The following ZNF804A variants were observed in gnomAD, a reference collection of about 807,000 sequenced individuals.
ZNF804A encodes zinc finger protein 804A.
Under a neutral mutation model 16.5 loss-of-function variants are expected in ZNF804A, and 2 were observed. The observed-to-expected ratio is 0.12, with a 90% CI of 0.05 to 0.38. ZNF804A has a LOEUF of 0.38. Ranked by LOEUF, ZNF804A falls within the 10% of genes least tolerant of loss-of-function variation. ZNF804A has a pLI of 0.99. For missense variants in ZNF804A, 1,473 were observed against 1,390.7 expected (o/e 1.06, Z -0.94); for synonymous variants, 534 against 489.6 (o/e 1.09, Z -1.20).
At chr2:184,770,627 T>A (rs1225091879) in intron 1 of ZNF804A, among the ~76,000 whole-genome samples, 2 of 147,330 alleles carry the variant, frequency 1.4e-5, no homozygotes, top group Admixed American at 1.3e-4. Context: ...AAAAAGAAAA[T>A]GTTGGTCTTA....
intron 1 of ZNF804A, among the ~76,000 whole-genome samples, chr2:184,611,575 C>T (rs559890888): frequency 3.4e-4 from 51 of 152,198 alleles, no homozygotes; most frequent in Non-Finnish European, 5.7e-4. Context: ...TTTTAATTCT[C>T]TTCAATAATA....
At chr2:184,711,661 T>A (rs1027067139) in intron 1 of ZNF804A, among the ~76,000 whole-genome samples, 2 of 151,774 alleles carry the variant, frequency 1.3e-5, no homozygotes, top group Non-Finnish European at 3.0e-5. Flanking sequence ...TTGTGTATGG[T>A]GTAAGAGAAG....
At chr2:184,741,383 G>T (rs1474745675) in intron 1 of ZNF804A, among the ~76,000 whole-genome samples, 2 of 152,148 alleles carry the variant, frequency 1.3e-5, no homozygotes, top group African/African-American at 4.8e-5. Context: ...ACCAGTCAGG[G>T]TAGCTGACTT....
chr2:184,748,947 G>A (rs1280344667), intron 1 of ZNF804A, among the ~76,000 whole-genome samples: 2 of 151,272 alleles, frequency 1.3e-5, no homozygotes, highest in Non-Finnish European at 3.0e-5. Flanking sequence ...TGGTCTGTGT[G>A]TCTGTTTTTG....
intron 1 of ZNF804A, among the ~76,000 whole-genome samples, chr2:184,681,013 C>T (rs372854682): frequency 2.0e-5 from 3 of 152,238 alleles, no homozygotes; most frequent in African/African-American, 7.2e-5. Context: ...TGGAGCTGAC[C>T]ATCCCACCAC....
intron 1 of ZNF804A, among the ~76,000 whole-genome samples, chr2:184,716,288 A>G (rs1693212191): frequency 2.0e-5 from 3 of 152,118 alleles, no homozygotes; most frequent in East Asian, 1.9e-4. Flanking sequence ...GTACTTTCAC[A>G]TTTTTGTAAT....
chr2:184,604,813 C>T (rs1691115664), intron 1 of ZNF804A, among the ~76,000 whole-genome samples: 1 of 152,034 alleles, frequency 6.6e-6, no homozygotes, highest in African/African-American at 2.4e-5. Flanking sequence ...TTCTGTAGTA[C>T]CTGTTTGCCA....
At chr2:184,835,179 C>T (rs145800569) in intron 1 of ZNF804A, among the ~76,000 whole-genome samples, 1 of 152,068 alleles carries the variant, frequency 6.6e-6, no homozygotes, top group Non-Finnish European at 1.5e-5. Flanking sequence ...TGAACTCCCC[C>T]CAGGAGAGAA....
intron 1 of ZNF804A, among the ~76,000 whole-genome samples, chr2:184,691,878 G>C (rs1692736127): frequency 6.6e-6 from 1 of 151,902 alleles, no homozygotes; most frequent in Admixed American, 6.6e-5. Context: ...AAAAGAACTG[G>C]AACAGATTAA....
chr2:184,711,637 T>C (rs1239883712), intron 1 of ZNF804A, among the ~76,000 whole-genome samples: 2 of 151,770 alleles, frequency 1.3e-5, no homozygotes, highest in Non-Finnish European at 3.0e-5. Flanking sequence ...AATTAATCTT[T>C]AATCCATTTT....
intron 1 of ZNF804A, among the ~76,000 whole-genome samples, chr2:184,790,594 T>C (rs1694523015): frequency 6.6e-6 from 1 of 151,862 alleles, no homozygotes; most frequent in Non-Finnish European, 1.5e-5. Context: ...CTTCTTATTA[T>C]TTATTTTTTA....
chr2:184,669,768 A>ACT (rs71403984), intron 1 of ZNF804A, among the ~76,000 whole-genome samples: 1 of 151,130 alleles, frequency 6.6e-6, no homozygotes, highest in Admixed American at 6.6e-5. Flanking sequence ...ACACACGCAC[A>ACT]CACACACACA....
chr2:184,598,872 C>T lies in ZNF804A; in HGVS notation c.-88C>T. The stretch of plus-strand genomic sequence containing the variant: ...GCGTGCCCTCGTGGCGGGTTCCCAG[C>T]CCACCGTCGCCGGCCCCGGCGCGCT... On this transcript the variant is annotated 5_prime_UTR_variant, in exon 1 of 4. Transcript: ENST00000302277. The T allele has an allele frequency of 1.3e-6, 1 of 764,378 alleles. No homozygotes were observed. The highest frequency in any genetic ancestry group is 1.9e-6 in the Non-Finnish European group (1 of 525,800). 47.3% of individuals were successfully genotyped at this position (764,378 alleles called of 1,614,324 possible). A position where few individuals can be genotyped will look rare whatever the true frequency, so the allele number is the denominator to read the frequency against.
In ZNF804A at chr2:184,905,093, C is replaced by CTG. The variant is rs59253076; in HGVS notation, c.256-28490_256-28489dup. On this transcript the variant is annotated intron_variant, in intron 2 of 3. Coordinates refer to ENST00000302277, the MANE Select transcript of ZNF804A (RefSeq NM_194250.2). ...TACACCCAACACTAGATTAGAGTGT[C>CTG]TGTGTGTGTGTGTGTGTGTGTCATT... Among the ~76,000 whole-genome samples the CTG allele has an allele frequency of 8.4e-3, 1,259 of 150,376 alleles. 7 individuals carry two copies. Among genetic ancestry groups the CTG allele is most frequent in the African/African-American group, 0.018 (722 of 41,024 alleles).
chr2:184,751,909 G>A (rs1693883091), intron 1 of ZNF804A, among the ~76,000 whole-genome samples: 2 of 151,624 alleles, frequency 1.3e-5, no homozygotes. Context: ...TGAGAGAAAT[G>A]CAAATTAAAG....
chr2:184,866,485 T>G lies in ZNF804A; in HGVS notation c.228T>G (p.Ile76Met). 6.2e-7 allele frequency: 1 copy of G among 1,611,306 alleles called. No individual in the cohort carries two copies. Among genetic ancestry groups the G allele is most frequent in the Non-Finnish European group, 8.5e-7 (1 of 1,178,900 alleles). The change falls in exon 2 of 4, where the codon ATT becomes ATG. Residue 76 changes from isoleucine to methionine, a missense_variant. Transcript: ENST00000302277. Reference protein sequence around the residue: ...YYKHQEFDNHINSYDHAHKQR... With the variant: ...YYKHQEFDNHMNSYDHAHKQR... Reference sequence around the variant, plus strand: ...AGCACCAGGAGTTTGACAATCACATTAATTCATATGACCATGCTCACAAGC... The same window carrying G: ...AGCACCAGGAGTTTGACAATCACATGAATTCATATGACCATGCTCACAAGC...
intron 1 of ZNF804A, among the ~76,000 whole-genome samples, chr2:184,830,057 C>T (rs1283342035): frequency 6.6e-6 from 1 of 151,374 alleles, no homozygotes; most frequent in Non-Finnish European, 1.5e-5. Context: ...CATCCTGCCA[C>T]TGTACTCTAG....
At chr2:184,704,096 T>C (rs1692978963) in intron 1 of ZNF804A, among the ~76,000 whole-genome samples, 1 of 152,098 alleles carries the variant, frequency 6.6e-6, no homozygotes, top group South Asian at 2.1e-4. Context: ...AGTGAATCTA[T>C]AGTAATGATT....
At chr2:184,763,630 C>CTTTTTT (rs1188087789) in intron 1 of ZNF804A, among the ~76,000 whole-genome samples, 4 of 21,272 alleles carry the variant, frequency 1.9e-4, no homozygotes, top group East Asian at 1.8e-3. Context: ...CTTCAAAGTG[C>CTTTTTT]TTTTTTTTTT....
Sources: gnomAD v4.1 joint callset for allele counts (sites outside exome capture counted in the v4.1 genomes callset) on GRCh38, gnomAD v4.1.1 for gene constraint, MANE v1.5 for transcripts, NCBI Gene and HGNC (gene_info 2026-07-23, HGNC 2026-07-21) for gene names.